LAMA4: variants seen among roughly 807,000 people sequenced by gnomAD.
LAMA4 encodes the protein laminin subunit alpha 4.
Under a neutral mutation model 207.1 loss-of-function variants are expected in LAMA4, and 127 were observed. The observed-to-expected ratio is 0.61, with a 90% confidence interval of 0.53 to 0.71. The LOEUF (loss-of-function observed/expected upper bound fraction) is 0.71. Among genes scored for constraint, LAMA4 ranks in the 30% least tolerant of loss-of-function variants. The pLI is 0.00. For missense variants in LAMA4, 2,093 were observed against 2,246.5 expected, an observed-to-expected ratio of 0.93 and a Z score of 1.38; for synonymous variants, 761 against 816.0, an observed-to-expected ratio of 0.93 and a Z score of 1.15.
At chr6:112,123,521 T>C (rs1778497899) in intron 31 of LAMA4, among the ~76,000 whole-genome samples, 1 of 152,088 alleles carries the variant, frequency 6.6e-6, no homozygotes, top group Non-Finnish European at 1.5e-5. Flanking sequence ...AGATGGACAA[T>C]AAAACCCTTA....
chr6:112,138,511 GTAGA>G (rs1172553363), intron 24 of LAMA4, among the ~76,000 whole-genome samples: 3 of 152,098 alleles, frequency 2.0e-5, no homozygotes, highest in African/African-American at 4.8e-5. Context: ...GAGCTGTACA[GTAGA>G]TAAAGTACTA....
intron 2 of LAMA4, 40 bp from the exon 3 acceptor site, chr6:112,216,509 A>G: frequency 1.5e-6 from 2 of 1,370,974 alleles, no homozygotes; most frequent in African/African-American, 1.4e-5. Flanking sequence ...TATTGAAAAG[A>G]TTGATTTTGG....
Position 112,207,011 on chromosome 6 carries a change from T to C in LAMA4, c.422+10A>G. 1 of 1,613,680 alleles carries C rather than the reference T, an allele frequency of 6.2e-7. No individual in the cohort carries two copies. The highest frequency in any genetic ancestry group is 8.5e-7 in the Non-Finnish European group (1 of 1,179,862). Reference sequence around the variant, plus strand: ...ATCATTAGAAGAGACCATCCTCCTTTAGGACTTACTTGGCCAAGTGGGGCA... The same window carrying C: ...ATCATTAGAAGAGACCATCCTCCTTCAGGACTTACTTGGCCAAGTGGGGCA... On this transcript the variant is annotated intron_variant, in intron 4 of 38. Coordinates refer to ENST00000230538, the MANE Select transcript of LAMA4 (RefSeq NM_001105206.3).
At chr6:112,165,072 G>A in intron 13 of LAMA4, 88 bp downstream of exon 13, 1 of 807,246 alleles carries the variant, frequency 1.2e-6, no homozygotes, top group Non-Finnish European at 2.2e-6. Context: ...TCACTGGTTA[G>A]ATATGAATTT....
At chr6:112,165,398 T>C in intron 12 of LAMA4, 122 bp from the exon 13 acceptor site, 1 of 749,030 alleles carries the variant, frequency 1.3e-6, no homozygotes, top group Non-Finnish European at 2.5e-6. Context: ...ATATCCCAGC[T>C]CCATCCTTGC....
rs782036207 is a variant in LAMA4, at chr6:112,175,525, C to G, written c.1190-45G>C. On this transcript the variant is annotated intron_variant, in intron 10 of 38. Transcript: ENST00000230538. ...GAAACAAGGCAGCAGGGAGAGATGACCAGGCACTAGAAATGCAAGGGAGCA... is the reference window on the plus strand; with the variant it reads ...GAAACAAGGCAGCAGGGAGAGATGAGCAGGCACTAGAAATGCAAGGGAGCA... 4 of 1,602,724 alleles carry G rather than the reference C, an allele frequency of 2.5e-6. No individual in the cohort carries two copies. The African/African-American group carries it at 5.4e-5, about 21-fold the overall frequency.
Position 112,165,230 on chromosome 6 carries a change from G to T in LAMA4, c.1598C>A (p.Ser533Tyr), listed in dbSNP as rs782202196. The T allele has an allele frequency of 1.2e-6, 2 of 1,613,756 alleles. No homozygotes were observed. The highest frequency in any genetic ancestry group is 8.5e-7 in the Non-Finnish European group (1 of 1,179,620). ...CAGAGAGTCCGCAGATGTGCTCAGA[G>T]ACATGTTCACCACTTCCATTTGTTC... is the stretch of plus-strand genomic sequence containing the variant. ...VREQMEVVNMSLSTSADSLTT... is the reference protein window; with the variant it reads ...VREQMEVVNMYLSTSADSLTT... The change falls in exon 13 of 39, where the codon TCT (serine) becomes TAT (tyrosine). Residue 533 changes from serine to tyrosine, a missense_variant. This residue lies in a region of LAMA4 where 1,704 missense variants were observed against 1,788.4 expected (regional missense o/e 0.95). Coordinates refer to ENST00000230538, the MANE Select transcript of LAMA4 (RefSeq NM_001105206.3).
chr6:112,249,269 C>T (rs969326214), intron 2 of LAMA4, among the ~76,000 whole-genome samples: 1 of 151,804 alleles, frequency 6.6e-6, no homozygotes, highest in Non-Finnish European at 1.5e-5. Context: ...ATGGTGAAAC[C>T]CTGTCTCTAC....
intron 5 of LAMA4, chr6:112,196,601 A>G (rs1554350560): frequency 6.6e-6 from 1 of 152,164 alleles, no homozygotes; most frequent in East Asian, 1.9e-4. Context: ...GAGAATTGCA[A>G]AACTCTACAA....
chr6:112,130,816 A>G, intron 29 of LAMA4, 152 bp downstream of exon 29: 1 of 746,086 alleles, frequency 1.3e-6, no homozygotes, highest in South Asian at 1.6e-5. Context: ...ACTAATAGCA[A>G]TATTTTTTTG....
intron 14 of LAMA4, chr6:112,158,051 A>G (rs923230510): frequency 3.9e-5 from 6 of 152,392 alleles, no homozygotes; most frequent in African/African-American, 1.4e-4. Flanking sequence ...CTTTCTCTAT[A>G]ATGATCTCAT....
At chr6:112,187,008 G>C (rs1782724279) in intron 8 of LAMA4, 2 of 419,082 alleles carry the variant, frequency 4.8e-6, no homozygotes. Context: ...GTGGGTGGGT[G>C]GTGGGGTGAG....
At chr6:112,207,568 C>A (rs1554354839) in intron 3 of LAMA4, among the ~76,000 whole-genome samples, 1 of 142,642 alleles carries the variant, frequency 7.0e-6, no homozygotes, top group African/African-American at 3.1e-5. Context: ...TGGTACTTAT[C>A]CATGGCAATG....
At chr6:112,128,748 A>G (rs1412903275) in intron 31 of LAMA4, among the ~76,000 whole-genome samples, 174 bp downstream of exon 31, 1 of 152,210 alleles carries the variant, frequency 6.6e-6, no homozygotes, top group Non-Finnish European at 1.5e-5. Flanking sequence ...CTTCTATAAC[A>G]AAGAATTAAT....
Position 112,155,387 on chromosome 6 carries a change from G to C in LAMA4, c.1959+178C>G, listed in dbSNP as rs570323211. On this transcript the variant is annotated intron_variant, in intron 15 of 38. Transcript: ENST00000230538. The stretch of plus-strand genomic sequence containing the variant: ...TGCTGACTGGACTACAGCACATCTC[G>C]AAGAATCTGCAGACTGAAACCTTCA... 2.0e-5 allele frequency: 13 copies of C among 666,278 alleles called. No individual in the cohort carries two copies. In the East Asian group the frequency reaches 3.0e-4, roughly 15 times the overall value. 41.3% of individuals were successfully genotyped at this position (666,278 alleles called of 1,614,324 possible). A position where few individuals can be genotyped will look rare whatever the true frequency, so the allele number is the denominator to read the frequency against.
At chr6:112,190,943 C>CTTTT (rs1562714743) in intron 6 of LAMA4, among the ~76,000 whole-genome samples, 1 of 42,400 alleles carries the variant, frequency 2.4e-5, no homozygotes. Context: ...TTCTTTCTTT[C>CTTTT]TTTCCTTTCT....
intron 9 of LAMA4, among the ~76,000 whole-genome samples, chr6:112,180,780 AC>A (rs1376270146): frequency 6.6e-6 from 1 of 152,184 alleles, no homozygotes; most frequent in African/African-American, 2.4e-5. Flanking sequence ...ATTCTGGGAC[AC>A]AAGCATAAAC....
At chr6:112,156,331 TACTTGCAC>T (rs1400609754) in intron 14 of LAMA4, among the ~76,000 whole-genome samples, 2 of 152,096 alleles carry the variant, frequency 1.3e-5, no homozygotes, top group Non-Finnish European at 2.9e-5. Context: ...TCACACAGGG[TACTTGCAC>T]ACTTGCACAC....
chr6:112,200,928 T>C (rs1783708292), intron 5 of LAMA4, among the ~76,000 whole-genome samples: 1 of 151,906 alleles, frequency 6.6e-6, no homozygotes, highest in African/African-American at 2.4e-5. Flanking sequence ...AAATACCTAA[T>C]GTGGATGACG....
Sources: gnomAD v4.1 joint callset for allele counts (sites outside exome capture counted in the v4.1 genomes callset) on GRCh38, gnomAD v4.1.1 for gene constraint, gnomAD v4.1.1 regional missense constraint, MANE v1.5 for transcripts, NCBI Gene and HGNC (gene_info 2026-07-23, HGNC 2026-07-21) for gene names.